C1QTNF7: variants seen among roughly 807,000 people sequenced by gnomAD.
The protein encoded by C1QTNF7 is C1q and TNF related 7.
Under a neutral mutation model 19.6 loss-of-function variants are expected in C1QTNF7, and 15 were observed. The observed-to-expected ratio is 0.76, with a 90% CI of 0.51 to 1.18. C1QTNF7 has a LOEUF of 1.18. Among genes scored for constraint, C1QTNF7 ranks in the 50% most tolerant of loss-of-function variants. The pLI, the probability that C1QTNF7 is intolerant of heterozygous loss-of-function variation, is 0.00. For missense variants in C1QTNF7, 324 were observed against 359.7 expected (o/e 0.90, Z 0.80); for synonymous variants, 142 against 137.5 (o/e 1.03, Z -0.23).
At chr4:15,340,753 C>T (rs189805825) in intron 1 of C1QTNF7, among the ~76,000 whole-genome samples, 14 of 152,148 alleles carry the variant, frequency 9.2e-5, no homozygotes, top group Admixed American at 7.9e-4. Flanking sequence ...GTAATTGACA[C>T]GGGAGGATGT....
At chr4:15,415,088 T>C (rs552394674) in intron 1 of C1QTNF7, among the ~76,000 whole-genome samples, 2 of 152,332 alleles carry the variant, frequency 1.3e-5, no homozygotes, top group South Asian at 2.1e-4. Flanking sequence ...ACTGAACAAA[T>C]ACATCTTTTC....
chr4:15,357,485 C>A (rs1012649855), intron 1 of C1QTNF7, among the ~76,000 whole-genome samples: 3 of 152,086 alleles, frequency 2.0e-5, no homozygotes, highest in African/African-American at 4.8e-5. Flanking sequence ...TTTGTTACTG[C>A]AGCCTTGTAG....
intron 1 of C1QTNF7, among the ~76,000 whole-genome samples, chr4:15,376,151 TTCTTGTATAAACATG>T (rs1470503764): frequency 2.0e-5 from 3 of 152,260 alleles, no homozygotes; most frequent in Non-Finnish European, 4.4e-5. Flanking sequence ...AATGTTCCCC[TTCTTGTATAAACATG>T]TCTGTAGTTT....
At chr4:15,360,184 G>A (rs960555500) in intron 1 of C1QTNF7, among the ~76,000 whole-genome samples, 2 of 150,756 alleles carry the variant, frequency 1.3e-5, no homozygotes, top group East Asian at 2.0e-4. Flanking sequence ...GGATTAGGTT[G>A]GGAGACCAGG....
In C1QTNF7 at chr4:15,435,899, T is replaced by C. The variant is rs1224223714; in HGVS notation, c.156T>C (p.Pro52=). ...PPGPPGANGS[P]GPHGRIGLPG... is the part of the protein sequence containing the mutation. ...GGCCCCCTGGAGCAAATGGTTCCCC[T>C]GGGCCCCATGGTCGCATCGGCCTTC... The change falls in exon 2 of 3, where the codon CCT becomes CCC. Residue 52 remains proline (P), a synonymous_variant. Transcript: ENST00000444304. 2 of 1,613,930 alleles carry C rather than the reference T, an allele frequency of 1.2e-6. No individual in the cohort carries two copies. The highest frequency in any genetic ancestry group is 1.7e-6 in the Non-Finnish European group (2 of 1,180,002).
At chr4:15,399,161 A>G (rs997173487) in intron 1 of C1QTNF7, among the ~76,000 whole-genome samples, 5 of 152,206 alleles carry the variant, frequency 3.3e-5, no homozygotes. Flanking sequence ...AGATCTTATC[A>G]GGAACCTGCT....
chr4:15,364,641 T>C (rs1326145508), intron 1 of C1QTNF7, among the ~76,000 whole-genome samples: 1 of 152,234 alleles, frequency 6.6e-6, no homozygotes, highest in Non-Finnish European at 1.5e-5. Flanking sequence ...TAACTTCACA[T>C]ATAATAAATA....
In C1QTNF7 at chr4:15,377,246, A is replaced by T. The variant is rs113240756; in HGVS notation, c.13+37039A>T. ...GATGAGAAATTTGACATTTTCCCCA[A>T]CTCAAATTTGTGGATTACCCTGTGG... On this transcript the variant is annotated intron_variant, in intron 1 of 2. Coordinates refer to the C1QTNF7 transcript ENST00000295297. Among the ~76,000 whole-genome samples, 8 of 152,330 alleles carry T rather than the reference A, an allele frequency of 5.3e-5. 1 individual carries two copies. The highest frequency in any genetic ancestry group is 1.7e-4 in the African/African-American group (7 of 41,584).
At chr4:15,360,335 T>C (rs1717292379) in intron 1 of C1QTNF7, among the ~76,000 whole-genome samples, 1 of 152,224 alleles carries the variant, frequency 6.6e-6, no homozygotes, top group African/African-American at 2.4e-5. Context: ...AATAAAGAGT[T>C]AGGTTCATGA....
At position 15,442,569 on chromosome 4, in the gene C1QTNF7, G is replaced by A; in HGVS notation, c.640G>A (p.Gly214Arg). ...TCTGGCAATCGGACTGGTACACAATGGGCAATACCGGATAAAGACCTTCGA... is the reference window on the plus strand; with the variant it reads ...TCTGGCAATCGGACTGGTACACAATAGGCAATACCGGATAAAGACCTTCGA... ...KHLAIGLVHNGQYRIKTFDAN... is the reference protein window; with the variant it reads ...KHLAIGLVHNRQYRIKTFDAN... Residue 214 changes from glycine to arginine, a missense_variant, in exon 3 of 3, where the codon GGG becomes AGG. Gly to Arg is a moderately radical substitution (Grantham distance 125, BLOSUM62 -2). Transcript: ENST00000444304. 1 of 1,614,142 alleles carries A rather than the reference G, an allele frequency of 6.2e-7. No individual in the cohort carries two copies.
At chr4:15,399,070 C>T (rs556885491) in intron 1 of C1QTNF7, among the ~76,000 whole-genome samples, 2 of 152,216 alleles carry the variant, frequency 1.3e-5, no homozygotes, top group Non-Finnish European at 2.9e-5. Context: ...TCTAGCATTC[C>T]TAGAGGAAGG....
intron 1 of C1QTNF7, among the ~76,000 whole-genome samples, chr4:15,397,871 G>T (rs1277781367): frequency 1.3e-5 from 2 of 152,118 alleles, no homozygotes; most frequent in Non-Finnish European, 1.5e-5. Context: ...GCAGATGCTG[G>T]CGACTACACA....
At chr4:15,439,499 G>C (rs1248212406) in intron 2 of C1QTNF7, among the ~76,000 whole-genome samples, 1 of 152,162 alleles carries the variant, frequency 6.6e-6, no homozygotes, top group African/African-American at 2.4e-5. Flanking sequence ...GGCTGAACTG[G>C]GGTTTTATCC....
intron 1 of C1QTNF7, among the ~76,000 whole-genome samples, chr4:15,344,865 A>C (rs1716663399): frequency 6.6e-6 from 1 of 152,154 alleles, no homozygotes; most frequent in African/African-American, 2.4e-5. Context: ...CCTTTTGCAA[A>C]ATTCAACTGT....
intron 1 of C1QTNF7, among the ~76,000 whole-genome samples, chr4:15,368,441 TC>T (rs997486165): frequency 1.3e-5 from 2 of 151,650 alleles, no homozygotes; most frequent in Non-Finnish European, 2.9e-5. Context: ...CCCTCCCCAC[TC>T]CCCCAACCCC....
intron 1 of C1QTNF7, among the ~76,000 whole-genome samples, chr4:15,408,376 T>C (rs764107097): frequency 4.0e-5 from 6 of 151,898 alleles, no homozygotes; most frequent in Admixed American, 6.6e-5. Flanking sequence ...TATACAGTGT[T>C]CAAATAACTC....
At chr4:15,410,531 A>G (rs1036512700) in intron 1 of C1QTNF7, among the ~76,000 whole-genome samples, 3 of 152,196 alleles carry the variant, frequency 2.0e-5, no homozygotes, top group Non-Finnish European at 4.4e-5. Context: ...TGACTAACCC[A>G]CAATATATTT....
chr4:15,392,710 C>A (rs1204229325), intron 1 of C1QTNF7, among the ~76,000 whole-genome samples: 1 of 152,222 alleles, frequency 6.6e-6, no homozygotes, highest in Non-Finnish European at 1.5e-5. Flanking sequence ...GTCTGTTTTG[C>A]CTCCCTGTGG....
At chr4:15,352,702 T>C (rs947430280) in intron 1 of C1QTNF7, among the ~76,000 whole-genome samples, 1 of 152,178 alleles carries the variant, frequency 6.6e-6, no homozygotes, top group African/African-American at 2.4e-5. Context: ...GAGTGCAGCA[T>C]CTTGCACTAA....
Sources: gnomAD v4.1 joint callset for allele counts (sites outside exome capture counted in the v4.1 genomes callset) on GRCh38, gnomAD v4.1.1 for gene constraint, MANE v1.5 for transcripts, NCBI Gene and HGNC (gene_info 2026-07-23, HGNC 2026-07-21) for gene names.